The following TRIO variants were observed in gnomAD, a reference collection of about 807,000 sequenced individuals.
TRIO encodes triple functional domain protein.
Under a neutral mutation model 351.9 loss-of-function variants are expected in TRIO, and 58 were observed. That is an observed-to-expected ratio of 0.16 (90% CI 0.13 to 0.21). TRIO has a LOEUF of 0.21. Ranked by LOEUF, TRIO falls within the 10% of genes least tolerant of loss-of-function variation. The probability of loss-of-function intolerance (pLI) is 1.00; values close to 1 mark genes in which losing one functional copy is unlikely to be tolerated. For synonymous variants in TRIO, 1,758 were observed against 1,595.7 expected (o/e 1.10, Z -2.42); for missense variants, 3,201 against 4,027.8 (o/e 0.79, Z 5.56).
chr5:14,421,622 ATTGT>A (rs928764496), intron 34 of TRIO, among the ~76,000 whole-genome samples: 6 of 148,840 alleles, frequency 4.0e-5, no homozygotes, highest in Admixed American at 1.3e-4. Flanking sequence ...AAAAAAAAAG[ATTGT>A]TTGTTCCCTT....
intron 5 of TRIO, 59 bp downstream of exon 5, chr5:14,291,287 T>G: frequency 6.4e-7 from 1 of 1,556,572 alleles, no homozygotes; most frequent in Non-Finnish European, 8.7e-7. Context: ...GCTGGTGGGT[T>G]CGGGTGGAAG....
At chr5:14,165,069 C>T (rs1241253427) in intron 1 of TRIO, among the ~76,000 whole-genome samples, 1 of 152,196 alleles carries the variant, frequency 6.6e-6, no homozygotes, top group Non-Finnish European at 1.5e-5. Context: ...CAAAGCCGTC[C>T]CCTTACCCGT....
intron 1 of TRIO, among the ~76,000 whole-genome samples, chr5:14,246,840 A>G (rs1794467990): frequency 6.6e-6 from 1 of 151,674 alleles, no homozygotes; most frequent in Non-Finnish European, 1.5e-5. Context: ...CACCCCCCAC[A>G]CCACCTCCTG....
intron 34 of TRIO, among the ~76,000 whole-genome samples, chr5:14,449,410 A>C (rs984902773): frequency 6.6e-6 from 1 of 152,114 alleles, no homozygotes; most frequent in Non-Finnish European, 1.5e-5. Context: ...TCCTATCTCT[A>C]GGGCTTCTCA....
In TRIO at chr5:14,497,440, A is replaced by C. The variant is rs907350629; in HGVS notation, c.8020-407A>C. 2.0e-5 allele frequency among the ~76,000 whole-genome samples: 3 copies of C among 152,168 alleles called. No homozygotes were observed. The highest frequency in any genetic ancestry group is 4.8e-5 in the African/African-American group (2 of 41,426). ...GGCTGTGACAGATCCCCTTGGGGAC[A>C]ACTTCAGTCAGCTTTAGTCCTATAA... On this transcript the variant is annotated intron_variant, in intron 50 of 56. Coordinates refer to ENST00000344204, the MANE Select transcript of TRIO (RefSeq NM_007118.4). This position sits in a 1 kb window ranked among gnomAD's most constrained non-coding sequence, Gnocchi z 4.4.
intron 11 of TRIO, among the ~76,000 whole-genome samples, chr5:14,348,801 C>T (rs567599109): frequency 4.0e-5 from 6 of 150,206 alleles, no homozygotes; most frequent in East Asian, 4.0e-4. Context: ...TGTGTACGCA[C>T]GTGAGCATGT....
chr5:14,145,719 G>A (rs1255386761), intron 1 of TRIO, among the ~76,000 whole-genome samples: 1 of 152,124 alleles, frequency 6.6e-6, no homozygotes, highest in African/African-American at 2.4e-5. Flanking sequence ...GTGAGACCAG[G>A]CTTTTTTACA....
At chr5:14,401,154 A>T (rs1748036248) in intron 31 of TRIO, 90 bp downstream of exon 31, 1 of 1,109,544 alleles carries the variant, frequency 9.0e-7, no homozygotes, top group South Asian at 1.5e-5. Flanking sequence ...TATTATTATT[A>T]TTTGTTGTTG....
chr5:14,466,063 A>G, intron 37 of TRIO: 1 of 196,918 alleles, frequency 5.1e-6, no homozygotes, highest in Non-Finnish European at 1.1e-5. Flanking sequence ...GGCTGACCTT[A>G]GGTAGTCTCC....
chr5:14,288,324 G>A (rs1039418272), intron 4 of TRIO, among the ~76,000 whole-genome samples: 1 of 152,096 alleles, frequency 6.6e-6, no homozygotes, highest in Non-Finnish European at 1.5e-5. Context: ...TTGTTACATT[G>A]TTACCAGCCT....
rs553815049 is a variant in TRIO at position 14,460,383 on chromosome 5, C to G, written c.5204-636C>G. ...AGGGCCGCTCCTCCGAGAGCCCCAC[C>G]AGCTCTGCCACTTTCCAGTCGCCGG... is the stretch of plus-strand genomic sequence containing the variant. On this transcript the variant is annotated intron_variant, in intron 34 of 56. Transcript: ENST00000344204. Among the ~76,000 whole-genome samples, 258 of 152,330 alleles carry G rather than the reference C, an allele frequency of 1.7e-3. 1 individual carries two copies. The highest frequency in any genetic ancestry group is 6.0e-3 in the African/African-American group (248 of 41,572).
intron 11 of TRIO, among the ~76,000 whole-genome samples, chr5:14,355,106 C>G (rs1743495853): frequency 6.6e-6 from 1 of 152,164 alleles, no homozygotes; most frequent in African/African-American, 2.4e-5. Flanking sequence ...TGGGCACCCT[C>G]TGTGTGTGGC....
intron 1 of TRIO, among the ~76,000 whole-genome samples, chr5:14,265,458 G>A (rs998864002): frequency 2.0e-5 from 3 of 152,054 alleles, no homozygotes; most frequent in Non-Finnish European, 4.4e-5. Flanking sequence ...TTTAAAATTT[G>A]ATTCATTTGA....
intron 1 of TRIO, among the ~76,000 whole-genome samples, chr5:14,201,301 A>G (rs1200412748): frequency 3.3e-5 from 5 of 152,164 alleles, no homozygotes; most frequent in South Asian, 2.1e-4. Flanking sequence ...GTTCTCATCT[A>G]TTTTTTAGAG....
Position 14,487,657 on chromosome 5 carries a change from G to A in TRIO, c.7029G>A (p.Gln2343=). 7.4e-7 allele frequency: 1 copy of A among 1,342,330 alleles called. No homozygotes were observed. Among genetic ancestry groups the A allele is most frequent in the Non-Finnish European group, 9.7e-7 (1 of 1,035,990 alleles). The allele number at this position is 1,342,330 out of a possible 1,614,324, so 83.2% of individuals were successfully genotyped here. The change falls in exon 48 of 57, where the codon CAG becomes CAA. Residue 2343 remains glutamine (Q), a synonymous_variant. Coordinates refer to ENST00000344204, the MANE Select transcript of TRIO (RefSeq NM_007118.4). ...TSRSRPSRIP[Q]PVRHHPPVLV... is the part of the protein sequence containing the mutation. The stretch of plus-strand genomic sequence containing the variant: ...GGAGCCGGCCCTCCCGGATCCCCCA[G>A]CCTGTCCGACACCACCCCCCCGTGC...
At chr5:14,330,957 A>C (rs1740853616) in intron 10 of TRIO, 57 bp downstream of exon 10, 1 of 1,604,540 alleles carries the variant, frequency 6.2e-7, no homozygotes, top group Non-Finnish European at 8.5e-7. Flanking sequence ...TTGATTTTGG[A>C]TTACAGTTTT....
chr5:14,504,009 G>C (rs1287075919), intron 54 of TRIO, among the ~76,000 whole-genome samples: 1 of 152,254 alleles, frequency 6.6e-6, no homozygotes, highest in Non-Finnish European at 1.5e-5. Context: ...CAAACGTGCA[G>C]GGAAAGGTGG....
intron 1 of TRIO, among the ~76,000 whole-genome samples, chr5:14,151,404 G>A (rs1463871561): frequency 6.6e-6 from 1 of 151,846 alleles, no homozygotes; most frequent in African/African-American, 2.4e-5. Context: ...GTGTGTGTGT[G>A]TGTGTATGTA....
intron 26 of TRIO, 23 bp from the exon 27 acceptor site, chr5:14,390,878 A>T: frequency 1.9e-6 from 3 of 1,557,028 alleles, no homozygotes; most frequent in South Asian, 1.2e-5. Flanking sequence ...TTTAAATGAG[A>T]TCTTTTTTTT....
Sources: gnomAD v4.1 joint callset for allele counts (sites outside exome capture counted in the v4.1 genomes callset) on GRCh38, gnomAD v4.1.1 for gene constraint, Gnocchi (gnomAD v3.1) non-coding constraint, MANE v1.5 for transcripts, NCBI Gene and HGNC (gene_info 2026-07-23, HGNC 2026-07-21) for gene names.